The following SPMIP2 variants were observed in gnomAD, a reference collection of about 807,000 sequenced individuals.
The protein encoded by SPMIP2 is protein SPMIP2.
At chr4:159,001,902 G>C in the SPMIP2 span, among the ~76,000 whole-genome samples, 1 of 152,174 alleles carries the variant, frequency 6.6e-6, no homozygotes, top group Non-Finnish European at 1.5e-5. Context: ...TCTGTTTTTA[G>C]CTCTTTGAGG....
At chr4:158,975,216 G>C in the SPMIP2 span, among the ~76,000 whole-genome samples, 2 of 152,092 alleles carry the variant, frequency 1.3e-5, no homozygotes, top group South Asian at 4.1e-4. Context: ...CAGATGGATA[G>C]ATTGCAAAAA....
the SPMIP2 span, among the ~76,000 whole-genome samples, chr4:159,039,344 C>G: frequency 6.6e-6 from 1 of 152,120 alleles, no homozygotes; most frequent in Non-Finnish European, 1.5e-5. Context: ...GTCTGGGGCC[C>G]AGCAGGAAAC....
the SPMIP2 span, among the ~76,000 whole-genome samples, chr4:158,930,541 G>A: frequency 6.6e-6 from 1 of 150,970 alleles, no homozygotes; most frequent in South Asian, 2.1e-4. Flanking sequence ...TGTCACCCAG[G>A]AGTGTAGTGG....
chr4:159,009,263 G>A, the SPMIP2 span, among the ~76,000 whole-genome samples: 3 of 152,114 alleles, frequency 2.0e-5, no homozygotes, highest in African/African-American at 7.2e-5. Flanking sequence ...TCCCCTGACC[G>A]ACAGCATAAG....
chr4:159,065,552 T>C, the SPMIP2 span, among the ~76,000 whole-genome samples: 1 of 152,186 alleles, frequency 6.6e-6, no homozygotes, highest in Non-Finnish European at 1.5e-5. Flanking sequence ...ACCCTCTCTC[T>C]ACAAAAAATA....
the SPMIP2 span, among the ~76,000 whole-genome samples, chr4:158,960,509 T>C: frequency 2.6e-5 from 4 of 152,100 alleles, no homozygotes; most frequent in African/African-American, 9.7e-5. Flanking sequence ...TTTTGATTCC[T>C]GAACAGAGAG....
At chr4:158,984,163 C>A in the SPMIP2 span, among the ~76,000 whole-genome samples, 1 of 89,920 alleles carries the variant, frequency 1.1e-5, no homozygotes, top group Non-Finnish European at 2.3e-5. Flanking sequence ...GAGTGACCTA[C>A]AAAGAGACTT....
the SPMIP2 span, chr4:158,906,335 G>C: frequency 1.3e-5 from 2 of 152,158 alleles, no homozygotes; most frequent in African/African-American, 4.8e-5. Flanking sequence ...CATTCCCCTC[G>C]TCTCTAGTTC....
At chr4:158,904,347 A>G in the SPMIP2 span, 1 of 881,794 alleles carries the variant, frequency 1.1e-6, no homozygotes, top group Non-Finnish European at 1.7e-6. Flanking sequence ...CATTAGTTTT[A>G]AATGATAATC....
chr4:158,973,983 CAAAAAAAAAA>C, the SPMIP2 span, among the ~76,000 whole-genome samples: 367 of 64,982 alleles, frequency 5.6e-3, no homozygotes, highest in Admixed American at 0.015. Flanking sequence ...AAGGCCACCT[CAAAAAAAAAA>C]AAAAAAAAAA....
At chr4:159,027,994 C>G in the SPMIP2 span, among the ~76,000 whole-genome samples, 338 of 152,248 alleles carry the variant, frequency 2.2e-3, 1 homozygote, top group Non-Finnish European at 4.1e-3. Context: ...AGCAGACTTT[C>G]TAGTAGGTAT....
chr4:158,940,757 T>C, the SPMIP2 span, among the ~76,000 whole-genome samples: 1 of 152,160 alleles, frequency 6.6e-6, no homozygotes, highest in Non-Finnish European at 1.5e-5. Context: ...TATGGACTTG[T>C]GAATGTTCAT....
the SPMIP2 span, among the ~76,000 whole-genome samples, chr4:158,919,121 C>G: frequency 2.8e-3 from 433 of 152,238 alleles, no homozygotes; most frequent in African/African-American, 9.9e-3. Flanking sequence ...AAGTGGTTGA[C>G]AGGATACCTG....
At chr4:158,893,723 A>T in the SPMIP2 span, 2 of 1,575,530 alleles carry the variant, frequency 1.3e-6, no homozygotes, top group African/African-American at 1.3e-5. Context: ...CTTTTCTGTA[A>T]GAGAAGTAAT....
chr4:159,052,191 C>T, the SPMIP2 span, among the ~76,000 whole-genome samples: 2 of 152,120 alleles, frequency 1.3e-5, no homozygotes, highest in Admixed American at 1.3e-4. Flanking sequence ...GTACCTAGTT[C>T]GCACAATGTT....
the SPMIP2 span, among the ~76,000 whole-genome samples, chr4:158,900,661 A>G: frequency 1.3e-5 from 2 of 151,570 alleles, no homozygotes; most frequent in Non-Finnish European, 2.9e-5. Flanking sequence ...TACAACCCCT[A>G]CTTTTTTTCA....
chr4:159,042,675 T>C, the SPMIP2 span, among the ~76,000 whole-genome samples: 814 of 152,308 alleles, frequency 5.3e-3, 4 homozygotes, highest in African/African-American at 0.018. Flanking sequence ...TTGTTTTTGT[T>C]TTTTTGAGAC....
chr4:159,075,938 A>G, the SPMIP2 span, among the ~76,000 whole-genome samples: 1 of 152,110 alleles, frequency 6.6e-6, no homozygotes, highest in Non-Finnish European at 1.5e-5. Context: ...TGGTGGCACT[A>G]ATTTTTTTTC....
chr4:158,954,205 C>T, the SPMIP2 span, among the ~76,000 whole-genome samples: 1 of 152,110 alleles, frequency 6.6e-6, no homozygotes, highest in Non-Finnish European at 1.5e-5. Flanking sequence ...GTGGGTGGGG[C>T]CTGGTGGGAG....
Sources: allele counts gnomAD v4.1 joint callset (sites outside exome capture counted in the v4.1 genomes callset), GRCh38; gene constraint gnomAD v4.1.1; transcripts MANE v1.5; gene names NCBI Gene and HGNC (gene_info 2026-07-23, HGNC 2026-07-21).